DMD: variants seen among roughly 807,000 people sequenced by gnomAD.
DMD encodes the protein dystrophin, also known as mutant dystrophin.
Under a neutral mutation model 330.1 loss-of-function variants are expected in DMD, and 63 were observed. The observed-to-expected ratio is 0.19, with a 90% CI of 0.16 to 0.24. DMD has a LOEUF of 0.24. Among genes scored for constraint, DMD ranks in the 10% least tolerant of loss-of-function variants. The probability of loss-of-function intolerance (pLI) is 1.00; values close to 1 mark genes in which losing one functional copy is unlikely to be tolerated. For synonymous variants in DMD, 1,223 were observed against 959.8 expected, an observed-to-expected ratio of 1.27 and a Z score of -5.07; for missense variants, 3,344 against 2,684.1, an observed-to-expected ratio of 1.25 and a Z score of -5.43.
At chrX:32,730,876 A>T (rs1434495247) in intron 7 of DMD, among the ~76,000 whole-genome samples, 1 of 111,937 alleles carries the variant, frequency 8.9e-6, no homozygotes, top group African/African-American at 3.3e-5. Context: ...AACTTGAAAT[A>T]TTGGATCAGA....
intron 44 of DMD, among the ~76,000 whole-genome samples, chrX:32,164,018 T>C (rs1173036021): frequency 4.5e-5 from 5 of 111,695 alleles, no homozygotes; most frequent in African/African-American, 1.6e-4. Context: ...ATTTCTCCCC[T>C]TCCTTGAGAT....
At chrX:31,146,463 A>C in intron 75 of DMD, 49 bp from the exon 76 acceptor site, 5 of 1,161,391 alleles carry the variant, frequency 4.3e-6, no homozygotes, top group Non-Finnish European at 5.8e-6. Context: ...TAAACATACA[A>C]ATGTATAAAT....
At chrX:33,080,048 A>C (rs1170653261) in intron 1 of DMD, among the ~76,000 whole-genome samples, 1 of 112,305 alleles carries the variant, frequency 8.9e-6, no homozygotes, top group Non-Finnish European at 1.9e-5. Flanking sequence ...TTTTAAATAA[A>C]ATTTTATGTA....
At chrX:32,730,445 C>T (rs1168876887) in intron 7 of DMD, among the ~76,000 whole-genome samples, 1 of 112,033 alleles carries the variant, frequency 8.9e-6, no homozygotes, top group Non-Finnish European at 1.9e-5. Flanking sequence ...AAGTAGGACA[C>T]AAAAACAATT....
intron 1 of DMD, among the ~76,000 whole-genome samples, chrX:33,168,419 C>T (rs1437238409): frequency 9.1e-6 from 1 of 109,621 alleles, no homozygotes; most frequent in Admixed American, 9.9e-5. Flanking sequence ...AATTATTAGC[C>T]ATACTCTGAA....
chrX:32,966,522 A>T (rs934099243), intron 2 of DMD, among the ~76,000 whole-genome samples: 3 of 111,847 alleles, frequency 2.7e-5, no homozygotes, highest in Admixed American at 1.9e-4. Context: ...GGGGTCCAGC[A>T]ACTCTACTAT....
intron 2 of DMD, among the ~76,000 whole-genome samples, chrX:32,857,572 G>A (rs2081681601): frequency 8.9e-6 from 1 of 112,017 alleles, no homozygotes; most frequent in Non-Finnish European, 1.9e-5. Context: ...CATTGTTGAA[G>A]AAAATATAGT....
At chrX:32,604,673 G>T (rs1465783701) in intron 12 of DMD, among the ~76,000 whole-genome samples, 3 of 109,922 alleles carry the variant, frequency 2.7e-5, no homozygotes, top group African/African-American at 9.9e-5. Context: ...TCCTCCAAAA[G>T]GACCCTATAT....
At chrX:32,907,860 G>A (rs1397604910) in intron 2 of DMD, among the ~76,000 whole-genome samples, 1 of 111,705 alleles carries the variant, frequency 9.0e-6, no homozygotes, top group Admixed American at 9.5e-5. Flanking sequence ...ACTTATTTTA[G>A]CAAAATAAAC....
intron 44 of DMD, among the ~76,000 whole-genome samples, chrX:32,200,202 T>G (rs2097027913): frequency 9.0e-6 from 1 of 110,580 alleles, no homozygotes; most frequent in Admixed American, 9.6e-5. Context: ...CTCTAGTCCT[T>G]TTTCCTCCGC....
intron 44 of DMD, among the ~76,000 whole-genome samples, chrX:32,091,078 A>C (rs1168904197): frequency 1.8e-5 from 2 of 112,245 alleles, no homozygotes; most frequent in Non-Finnish European, 3.8e-5. Flanking sequence ...GCGGGAACAC[A>C]CTTGCGGCGT....
chrX:32,627,616 A>G (rs1184676252), intron 11 of DMD, among the ~76,000 whole-genome samples: 4 of 111,197 alleles, frequency 3.6e-5, no homozygotes, highest in Non-Finnish European at 7.5e-5. Context: ...GAACTCAGGT[A>G]GTTTGGCTCC....
chrX:33,041,556 A>C, intron 1 of DMD: 4 of 1,208,996 alleles, frequency 3.3e-6, no homozygotes, highest in Non-Finnish European at 4.5e-6. Flanking sequence ...AAAAGCAGGC[A>C]GAGATCCTAC....
At chrX:31,559,707 T>C (rs1057089066) in intron 55 of DMD, among the ~76,000 whole-genome samples, 2 of 102,733 alleles carry the variant, frequency 1.9e-5, no homozygotes, top group Non-Finnish European at 4.0e-5. Context: ...TTTGATTGCA[T>C]CATCATGAAC....
intron 7 of DMD, among the ~76,000 whole-genome samples, chrX:32,725,908 T>G (rs1274858751): frequency 9.0e-6 from 1 of 111,242 alleles, no homozygotes; most frequent in Admixed American, 9.6e-5. Context: ...TATTATTTAC[T>G]GCATGCCTTT....
chrX:32,441,359 A>G, intron 27 of DMD, 45 bp from the exon 28 acceptor site: 1 of 1,159,438 alleles, frequency 8.6e-7, no homozygotes, highest in Non-Finnish European at 1.2e-6. Flanking sequence ...ATGGTAGAAA[A>G]GTAAATGTGA....
At chrX:32,102,339 A>G (rs1015635738) in intron 44 of DMD, among the ~76,000 whole-genome samples, 1 of 112,413 alleles carries the variant, frequency 8.9e-6, no homozygotes, top group East Asian at 2.8e-4. Context: ...TGAATAAATA[A>G]CAGAATGATT....
intron 7 of DMD, among the ~76,000 whole-genome samples, chrX:32,700,744 T>A (rs1266540135): frequency 9.0e-6 from 1 of 110,794 alleles, no homozygotes; most frequent in African/African-American, 3.3e-5. Flanking sequence ...TGGCAGGAGG[T>A]CAAGGTAATG....
At chrX:32,404,852 A>G (rs922324962) in intron 30 of DMD, among the ~76,000 whole-genome samples, 3 of 111,852 alleles carry the variant, frequency 2.7e-5, no homozygotes, top group Non-Finnish European at 5.6e-5. Flanking sequence ...GAAGAAAGCC[A>G]AGCAGAGTTC....
Sources: gnomAD v4.1 joint callset for allele counts (sites outside exome capture counted in the v4.1 genomes callset) on GRCh38, gnomAD v4.1.1 for gene constraint, MANE v1.5 for transcripts, NCBI Gene and HGNC (gene_info 2026-07-23, HGNC 2026-07-21) for gene names.